Variants in ASH1L observed in about 807,000 individuals in gnomAD.
ASH1L encodes the protein histone-lysine N-methyltransferase ASH1L.
ASH1L carries 23 observed loss-of-function variants against 269.0 expected under a neutral mutation model. The observed-to-expected ratio is 0.09, with a 90% CI of 0.06 to 0.12. The LOEUF is 0.12. ASH1L is among the 10% of genes least tolerant of loss of function. The pLI, the probability that ASH1L is intolerant of heterozygous loss-of-function variation, is 1.00. For missense variants in ASH1L, 2,912 were observed against 3,567.8 expected (o/e 0.82, Z 4.68); for synonymous variants, 1,187 against 1,253.5 (o/e 0.95, Z 1.12).
intron 1 of ASH1L, among the ~76,000 whole-genome samples, chr1:155,531,938 G>T (rs1669699308): frequency 6.6e-6 from 1 of 152,162 alleles, no homozygotes; most frequent in African/African-American, 2.4e-5. Context: ...TCAAAGCAAT[G>T]TTCATTGAGA....
intron 4 of ASH1L, among the ~76,000 whole-genome samples, chr1:155,457,166 G>C (rs776743933): frequency 2.0e-5 from 3 of 152,024 alleles, no homozygotes; most frequent in Non-Finnish European, 2.9e-5. Flanking sequence ...TCTGAGATTT[G>C]GGGATCATTT....
chr1:155,349,300 A>C, intron 19 of ASH1L, 27 bp downstream of exon 19: 2 of 1,595,992 alleles, frequency 1.3e-6, no homozygotes, highest in Admixed American at 1.7e-5. Flanking sequence ...AAACTTGTGA[A>C]ATCTGTTTGA....
chr1:155,518,385 C>T (rs1293759022), intron 2 of ASH1L, among the ~76,000 whole-genome samples: 6 of 152,038 alleles, frequency 3.9e-5, no homozygotes, highest in Non-Finnish European at 8.8e-5. Context: ...AAAAAATAAA[C>T]TGGACCTGGT....
At chr1:155,393,169 T>C (rs1658085735) in intron 7 of ASH1L, among the ~76,000 whole-genome samples, 1 of 152,192 alleles carries the variant, frequency 6.6e-6, no homozygotes, top group South Asian at 2.1e-4. Flanking sequence ...AAAGTTTATG[T>C]AGCTGAGAAT....
At chr1:155,348,940 A>ACACACACACACACACACACG (rs1233244057) in intron 19 of ASH1L, among the ~76,000 whole-genome samples, 1 of 150,840 alleles carries the variant, frequency 6.6e-6, no homozygotes, top group African/African-American at 2.4e-5. Context: ...ACACACACAC[A>ACACACACACACACACACACG]CACACATATA....
chr1:155,341,838 G>T, intron 25 of ASH1L, 98 bp downstream of exon 25: 1 of 1,277,060 alleles, frequency 7.8e-7, no homozygotes, highest in Non-Finnish European at 1.1e-6. Context: ...GAATTTGGAT[G>T]AAGAAGCAGA....
chr1:155,547,761 A>G (rs1376135832), intron 1 of ASH1L, among the ~76,000 whole-genome samples: 1 of 151,756 alleles, frequency 6.6e-6, no homozygotes, highest in Admixed American at 6.6e-5. Context: ...TCATGAAGTC[A>G]GGAGATTGAG....
intron 17 of ASH1L, 110 bp from the exon 18 acceptor site, chr1:155,349,706 AGTC>A: frequency 7.1e-6 from 5 of 708,550 alleles, no homozygotes; most frequent in Non-Finnish European, 8.9e-6. Context: ...GAAAAATCCA[AGTC>A]TTTTTTTTTT....
rs1300232442 is a variant in ASH1L at position 155,443,022 on chromosome 1, G to GT, written c.5087-3955dup. 1.9e-4 allele frequency among the ~76,000 whole-genome samples: 29 copies of GT among 152,136 alleles called. 2 individuals are homozygous for GT. Among genetic ancestry groups the GT allele is most frequent in the Admixed American group, 1.4e-3 (22 of 15,270 alleles). ...ACACTAATCACACTTCAAATTAGTG[G>GT]TTTAATGTATGTAATTCTCAAACAA... On this transcript the variant is annotated intron_variant, in intron 4 of 27. Transcript: ENST00000392403.
chr1:155,409,942 GA>G (rs1036472773), intron 6 of ASH1L, among the ~76,000 whole-genome samples: 1 of 151,726 alleles, frequency 6.6e-6, no homozygotes, highest in Non-Finnish European at 1.5e-5. Flanking sequence ...GGGGCGGGCA[GA>G]TCACTTGAGG....
chr1:155,414,955 A>G (rs1381973454), intron 6 of ASH1L, among the ~76,000 whole-genome samples: 1 of 152,202 alleles, frequency 6.6e-6, no homozygotes, highest in African/African-American at 2.4e-5. Flanking sequence ...AAGCAAGGCA[A>G]ATATTTTATT....
intron 2 of ASH1L, among the ~76,000 whole-genome samples, chr1:155,482,672 A>C (rs1666041019): frequency 6.6e-6 from 1 of 152,222 alleles, no homozygotes; most frequent in African/African-American, 2.4e-5. Context: ...TCAACACGAT[A>C]AAACTATACA....
intron 5 of ASH1L, among the ~76,000 whole-genome samples, chr1:155,426,576 G>A (rs1661176112): frequency 1.3e-5 from 2 of 152,134 alleles, no homozygotes; most frequent in African/African-American, 4.8e-5. Context: ...CTGACCTCAG[G>A]TGATCTGCCC....
At chr1:155,489,926 C>G (rs535286367) in intron 2 of ASH1L, among the ~76,000 whole-genome samples, 43 of 151,962 alleles carry the variant, frequency 2.8e-4, no homozygotes, top group African/African-American at 9.9e-4. Context: ...AAGTACAAAG[C>G]TGAAGGGCAT....
chr1:155,520,242 C>G (rs1201649256), intron 2 of ASH1L: 1 of 150,930 alleles, frequency 6.6e-6, no homozygotes, highest in Non-Finnish European at 1.5e-5. Flanking sequence ...ATCCCAGCTA[C>G]TCAGGGGGCT....
At chr1:155,436,388 T>C (rs1256928765) in intron 5 of ASH1L, among the ~76,000 whole-genome samples, 2 of 150,772 alleles carry the variant, frequency 1.3e-5, no homozygotes, top group Non-Finnish European at 3.0e-5. Context: ...ACGGGGTTTC[T>C]CCATGTTGAT....
chr1:155,516,759 T>TA (rs1207415603), intron 2 of ASH1L, among the ~76,000 whole-genome samples: 7 of 151,046 alleles, frequency 4.6e-5, no homozygotes, highest in South Asian at 2.1e-4. Flanking sequence ...ACCCTGTCTC[T>TA]AAAAAAAAAT....
At chr1:155,477,062 A>C (rs1311082784) in intron 3 of ASH1L, among the ~76,000 whole-genome samples, 1 of 152,160 alleles carries the variant, frequency 6.6e-6, no homozygotes, top group Non-Finnish European at 1.5e-5. Flanking sequence ...ATATACCCGT[A>C]ATTTTACTTA....
rs1240456554 is a variant in ASH1L at position 155,336,584 on chromosome 1, G to C, written c.*1076C>G. On this transcript the variant is annotated 3_prime_UTR_variant, in exon 28 of 28. Coordinates refer to ENST00000392403, the MANE Select transcript of ASH1L (RefSeq NM_018489.3). ...GAGTAGGAAGGAAGGAGACACCCTG[G>C]ATATACCTCCTGATGTCATTCAGGA... 6.6e-6 allele frequency: 1 copy of C among 152,628 alleles called. No individual in the cohort carries two copies. Among genetic ancestry groups the C allele is most frequent in the African/African-American group, 2.4e-5 (1 of 41,410 alleles). 9.5% of individuals were successfully genotyped at this position (152,628 alleles called of 1,614,324 possible).
Sources: gnomAD v4.1 joint callset for allele counts (sites outside exome capture counted in the v4.1 genomes callset) on GRCh38, gnomAD v4.1.1 for gene constraint, MANE v1.5 for transcripts, NCBI Gene and HGNC (gene_info 2026-07-23, HGNC 2026-07-21) for gene names.